ARMH3: variants seen among roughly 807,000 people sequenced by gnomAD.
ARMH3 encodes armadillo-like helical domain-containing protein 3.
In ARMH3, 60 loss-of-function variants were observed where a neutral mutation model predicts 99.1. The observed-to-expected ratio is 0.61, with a 90% CI of 0.49 to 0.75. ARMH3 has a LOEUF of 0.75. ARMH3 is among the 30% of genes least tolerant of loss of function. The pLI, the probability that ARMH3 is intolerant of heterozygous loss-of-function variation, is 0.00. For missense variants in ARMH3, 679 were observed against 843.1 expected, an observed-to-expected ratio of 0.81 and a Z score of 2.41; for synonymous variants, 285 against 292.8, an observed-to-expected ratio of 0.97 and a Z score of 0.27.
At chr10:101,935,245 GA>G in intron 23 of ARMH3, among the ~76,000 whole-genome samples, 1 of 147,026 alleles carries the variant, frequency 6.8e-6, no homozygotes, top group Non-Finnish European at 1.5e-5. Flanking sequence ...CTATAGAGAA[GA>G]AAACATACAG....
Position 101,846,208 on chromosome 10 carries a change from C to T in ARMH3, c.*1320G>A, listed in dbSNP as rs2066464712. 1 of 152,582 alleles carries T rather than the reference C, an allele frequency of 6.6e-6. No homozygotes were observed. Among genetic ancestry groups the T allele is most frequent in the African/African-American group, 2.4e-5 (1 of 41,414 alleles). The allele number at this position is 152,582 out of a possible 1,614,324, so 9.5% of individuals were successfully genotyped here. A position where few individuals can be genotyped will look rare whatever the true frequency, so the allele number is the denominator to read the frequency against. ...GTTTCAGATGGAGGGCACCCTACCC[C>T]CAGAAAGTTCTCTCCCTCCCAGGCA... On this transcript the variant is annotated 3_prime_UTR_variant, in exon 26 of 26. Transcript: ENST00000370033.
At chr10:101,997,259 C>T (rs564752232) in intron 15 of ARMH3, among the ~76,000 whole-genome samples, 26 of 150,826 alleles carry the variant, frequency 1.7e-4, no homozygotes, top group African/African-American at 5.4e-4. Context: ...CAGAGTGAGA[C>T]TCTGTCTCAA....
At chr10:101,943,007 T>C (rs1464769988) in intron 22 of ARMH3, among the ~76,000 whole-genome samples, 1 of 152,060 alleles carries the variant, frequency 6.6e-6, no homozygotes, top group South Asian at 2.1e-4. Flanking sequence ...AGAATTGTGA[T>C]CCCCTAAAAG....
At chr10:102,014,110 T>C (rs1021761795) in intron 8 of ARMH3, 86 bp from the exon 9 acceptor site, 1 of 1,038,020 alleles carries the variant, frequency 9.6e-7, no homozygotes, top group Non-Finnish European at 1.4e-6. Flanking sequence ...ACAAAAATGC[T>C]TCCATAAGGC....
intron 24 of ARMH3, among the ~76,000 whole-genome samples, chr10:101,867,919 G>C (rs2067042013): frequency 6.6e-6 from 1 of 151,564 alleles, no homozygotes; most frequent in African/African-American, 2.4e-5. Flanking sequence ...CAGGAGAATG[G>C]CTTGAGGTCA....
intron 1 of ARMH3, among the ~76,000 whole-genome samples, chr10:102,050,843 C>T (rs2067684376): frequency 8.0e-6 from 1 of 125,178 alleles, no homozygotes; most frequent in African/African-American, 3.1e-5. Context: ...GGTGACAGAA[C>T]AAGACTCCAT....
intron 22 of ARMH3, among the ~76,000 whole-genome samples, chr10:101,951,150 T>G (rs1441584877): frequency 6.6e-6 from 1 of 152,114 alleles, no homozygotes; most frequent in Non-Finnish European, 1.5e-5. Flanking sequence ...GTGAGAAAAA[T>G]CAGACTTCAA....
chr10:101,937,139 C>T (rs1844017554), intron 23 of ARMH3, among the ~76,000 whole-genome samples: 1 of 152,136 alleles, frequency 6.6e-6, no homozygotes, highest in African/African-American at 2.4e-5. Flanking sequence ...TCTGTTTAAC[C>T]CTCCATGTTA....
intron 19 of ARMH3, among the ~76,000 whole-genome samples, chr10:101,981,861 T>C (rs567263862): frequency 6.7e-6 from 1 of 150,098 alleles, no homozygotes; most frequent in South Asian, 2.1e-4. Context: ...TATCTAAAAA[T>C]ACAAAAAATT....
At chr10:101,946,920 G>A (rs769590388) in intron 22 of ARMH3, among the ~76,000 whole-genome samples, 21 of 151,268 alleles carry the variant, frequency 1.4e-4, no homozygotes, top group Non-Finnish European at 2.5e-4. Flanking sequence ...GCTAGAGAAG[G>A]ACAGGTACGG....
At chr10:101,974,440 C>T (rs2135918839) in intron 20 of ARMH3, among the ~76,000 whole-genome samples, 1 of 152,266 alleles carries the variant, frequency 6.6e-6, no homozygotes, top group Admixed American at 6.5e-5. Context: ...TTTTATTGTA[C>T]CATCAGGTCT....
chr10:101,957,553 T>C (rs1048666531), intron 21 of ARMH3, 97 bp downstream of exon 21: 155 of 1,345,108 alleles, frequency 1.2e-4, no homozygotes, highest in Non-Finnish European at 1.5e-4. Context: ...GTTCCCTCTA[T>C]GGCTTAGTCC....
intron 19 of ARMH3, among the ~76,000 whole-genome samples, chr10:101,989,993 T>G (rs1707039206): frequency 6.6e-6 from 1 of 152,162 alleles, no homozygotes; most frequent in African/African-American, 2.4e-5. Context: ...ACTATATTCA[T>G]GTGTCGGCTC....
At chr10:101,863,829 A>G (rs886209007) in intron 24 of ARMH3, among the ~76,000 whole-genome samples, 1 of 152,020 alleles carries the variant, frequency 6.6e-6, no homozygotes, top group African/African-American at 2.4e-5. Context: ...TTGGGCTGCC[A>G]AAGAGGTTGT....
chr10:101,960,552 G>A (rs1299550047), intron 20 of ARMH3, among the ~76,000 whole-genome samples: 1 of 152,146 alleles, frequency 6.6e-6, no homozygotes, highest in East Asian at 1.9e-4. Flanking sequence ...TGACTAAGCT[G>A]GGACTAGGAC....
chr10:101,884,129 C>T (rs976178434), intron 24 of ARMH3, among the ~76,000 whole-genome samples: 4 of 152,014 alleles, frequency 2.6e-5, no homozygotes, highest in Admixed American at 6.6e-5. Context: ...GCATTATTTG[C>T]GGTCCTCTTT....
At chr10:101,882,665 A>T (rs1255508019) in intron 24 of ARMH3, among the ~76,000 whole-genome samples, 1 of 152,104 alleles carries the variant, frequency 6.6e-6, no homozygotes, top group African/African-American at 2.4e-5. Flanking sequence ...ATGCCCGGCT[A>T]ATTTTTGTAT....
chr10:102,011,866 A>G (rs931804789), intron 10 of ARMH3, 83 bp from the exon 11 acceptor site: 59 of 1,114,380 alleles, frequency 5.3e-5, no homozygotes, highest in Non-Finnish European at 7.3e-5. Flanking sequence ...ATCAGGGCAG[A>G]GCACTCTTAA....
intron 22 of ARMH3, among the ~76,000 whole-genome samples, chr10:101,951,238 G>T (rs1844768613): frequency 6.6e-6 from 1 of 152,204 alleles, no homozygotes; most frequent in South Asian, 2.1e-4. Context: ...CTATAGATTT[G>T]CCATAATCCC....
Sources: allele counts gnomAD v4.1 joint callset (sites outside exome capture counted in the v4.1 genomes callset), GRCh38; gene constraint gnomAD v4.1.1; transcripts MANE v1.5; gene names NCBI Gene and HGNC (gene_info 2026-07-23, HGNC 2026-07-21).